Variants in PSTPIP1 observed in about 807,000 individuals in gnomAD.
PSTPIP1 encodes the protein proline-serine-threonine phosphatase-interacting protein 1.
Under a neutral mutation model 69.6 loss-of-function variants are expected in PSTPIP1, and 66 were observed. That is an observed-to-expected ratio of 0.95 (90% confidence interval 0.78 to 1.16). PSTPIP1 has a LOEUF of 1.16. PSTPIP1 is among the 50% of genes most tolerant of loss of function. The pLI, the probability that PSTPIP1 is intolerant of heterozygous loss-of-function variation, is 0.00. For synonymous variants in PSTPIP1, 266 were observed against 222.7 expected (o/e 1.19, Z -1.73); for missense variants, 603 against 557.4 (o/e 1.08, Z -0.82).
chr15:77,017,906 C>T lies in PSTPIP1; in HGVS notation c.37-242C>T, dbSNP rs1049251029. 1.1e-4 allele frequency among the ~76,000 whole-genome samples: 16 copies of T among 152,318 alleles called. No individual in the cohort carries two copies. The South Asian group carries it at 1.9e-3, about 18-fold the overall frequency. Reference sequence around the variant, plus strand: ...CTGTGAGCTCTCCAGATGCCAGGCCCGGCACCCCCGGCCCTGTCAGCTGGG... The same window carrying T: ...CTGTGAGCTCTCCAGATGCCAGGCCTGGCACCCCCGGCCCTGTCAGCTGGG... On this transcript the variant is annotated intron_variant, in intron 1 of 14. Coordinates refer to ENST00000558012, the MANE Select transcript of PSTPIP1 (RefSeq NM_003978.5).
chr15:77,026,506 C>T (rs759587916), intron 5 of PSTPIP1, among the ~76,000 whole-genome samples: 8 of 152,236 alleles, frequency 5.3e-5, no homozygotes, highest in Non-Finnish European at 1.2e-4. Context: ...CTGGCCATAC[C>T]ACTTCCCATC....
Position 77,002,821 on chromosome 15 carries a change from C to G in PSTPIP1, c.36+7212C>G, listed in dbSNP as rs143431766. ...ACTTTGTGCTCCAGTCCCCTGGAAC[C>G]CACATGCTTTTCCTGGCTGCTCCTG... On this transcript the variant is annotated intron_variant, in intron 1 of 14. Coordinates refer to ENST00000558012, the MANE Select transcript of PSTPIP1 (RefSeq NM_003978.5). Among the ~76,000 whole-genome samples, 891 of 152,088 alleles carry G rather than the reference C, an allele frequency of 5.9e-3. 10 individuals carry two copies. The highest frequency in any genetic ancestry group is 0.021 in the African/African-American group (857 of 41,464).
intron 3 of PSTPIP1, among the ~76,000 whole-genome samples, chr15:77,023,271 C>T (rs981128622): frequency 2.0e-5 from 3 of 152,220 alleles, no homozygotes; most frequent in African/African-American, 7.2e-5. Context: ...GCTGGGCCAG[C>T]CCAAAGTGAC....
At position 76,996,993 on chromosome 15, in the gene PSTPIP1, T is replaced by A. The variant is rs911644607; in HGVS notation, c.36+1384T>A. ...GGGCAGGCCAGGACCCCTTGACTAT[T>A]TTATCACTGAGACCTCTGTCCAGTC... On this transcript the variant is annotated intron_variant, in intron 1 of 14. Transcript: ENST00000558012. 4.6e-5 allele frequency among the ~76,000 whole-genome samples: 7 copies of A among 152,178 alleles called. No individual in the cohort carries two copies. The East Asian group carries it at 1.3e-3, about 29-fold the overall frequency.
rs190672871 is a variant in PSTPIP1, at chr15:77,000,987, C to G, written c.36+5378C>G. On this transcript the variant is annotated intron_variant, in intron 1 of 14. Coordinates refer to ENST00000558012, the MANE Select transcript of PSTPIP1 (RefSeq NM_003978.5). ...CTTTGCCACCCTCCCCTTTTTTTAG[C>G]GTAACTCACTCCATCGGGAACACCT... Among the ~76,000 whole-genome samples the G allele has an allele frequency of 4.1e-3, 631 of 152,190 alleles. 6 individuals are homozygous for G. The highest frequency in any genetic ancestry group is 0.015 in the African/African-American group (607 of 41,534).
chr15:77,012,152 TCCATCCACCCACCCAC>T (rs2075952167), intron 1 of PSTPIP1, among the ~76,000 whole-genome samples: 1 of 55,746 alleles, frequency 1.8e-5, no homozygotes, highest in African/African-American at 6.1e-5. Context: ...CATCCATCCA[TCCATCCACCCACCCAC>T]CCACCCACCC....
intron 3 of PSTPIP1, chr15:77,024,449 G>A (rs909834110): frequency 1.3e-5 from 2 of 152,238 alleles, no homozygotes; most frequent in East Asian, 1.9e-4. Context: ...TGGGCGTCAT[G>A]AGGCCATATG....
In PSTPIP1 at chr15:76,995,454, G is replaced by A. The variant is rs759583926; in HGVS notation, c.-120G>A. ...CCTTCTGAGTGTTGCAGACGGCGCC[G>A]GCCGGGAAGGGGGGCCTGGGCCAGC... On this transcript the variant is annotated 5_prime_UTR_variant, in exon 1 of 15. Coordinates refer to ENST00000558012, the MANE Select transcript of PSTPIP1 (RefSeq NM_003978.5). 53 of 1,566,156 alleles carry A rather than the reference G, an allele frequency of 3.4e-5. 1 individual carries two copies. The highest frequency in any genetic ancestry group is 2.2e-4 in the South Asian group (19 of 86,564).
intron 11 of PSTPIP1, 183 bp downstream of exon 11, chr15:77,032,577 C>CT (rs1165897445): frequency 7.5e-6 from 5 of 664,108 alleles, no homozygotes; most frequent in African/African-American, 7.2e-5. Context: ...TCAGGCAAAG[C>CT]TAAGGGCATG....
intron 12 of PSTPIP1, among the ~76,000 whole-genome samples, chr15:77,034,248 C>T (rs1276960826): frequency 6.6e-6 from 1 of 152,124 alleles, no homozygotes; most frequent in Non-Finnish European, 1.5e-5. Flanking sequence ...CCCCTTTCCC[C>T]CTGCCCTGGC....
At chr15:77,032,713 T>C in intron 11 of PSTPIP1, 149 bp from the exon 12 acceptor site, 1 of 672,842 alleles carries the variant, frequency 1.5e-6, no homozygotes, top group East Asian at 2.7e-5. Context: ...GTACCTACGG[T>C]GGGGTCTCTC....
At chr15:77,030,620 G>C in intron 9 of PSTPIP1, 39 bp downstream of exon 9, 1 of 1,558,424 alleles carries the variant, frequency 6.4e-7, no homozygotes. Context: ...CCCCAGCTGG[G>C]AAGTGTGAGA....
chr15:77,030,905 C>G (rs557231824), intron 9 of PSTPIP1, among the ~76,000 whole-genome samples: 34 of 152,364 alleles, frequency 2.2e-4, no homozygotes, highest in South Asian at 2.1e-3. Flanking sequence ...TCAGGACTCC[C>G]GTCCGAGGTC....
Position 77,025,502 on chromosome 15 carries a change from G to A in PSTPIP1, c.252G>A (p.Met84Ile), listed in dbSNP as rs1351292631. 2 of 1,559,964 alleles carry A rather than the reference G, an allele frequency of 1.3e-6. No individual in the cohort carries two copies. Among genetic ancestry groups the A allele is most frequent in the Non-Finnish European group, 1.7e-6 (2 of 1,152,052 alleles). Reference protein sequence around the residue: ...RASFDSLKQQMENVGSSHIQL... With the variant: ...RASFDSLKQQIENVGSSHIQL... The stretch of plus-strand genomic sequence containing the variant: ...GTATCCATGCTCTGCCCCCAGAAAT[G>A]GAGAATGTGGGCAGCTCACACATCC... The change falls in exon 5 of 15, where the codon ATG becomes ATA. Residue 84 changes from methionine (M) to isoleucine (I), a missense_variant. Transcript: ENST00000558012.
At chr15:77,002,484 G>T (rs924568882) in intron 1 of PSTPIP1, among the ~76,000 whole-genome samples, 1 of 152,200 alleles carries the variant, frequency 6.6e-6, no homozygotes, top group African/African-American at 2.4e-5. Context: ...CTGCTTTCAA[G>T]AATGAGTTGG....
chr15:77,018,269 T>C (rs1028097024), intron 2 of PSTPIP1, 21 bp downstream of exon 2: 3 of 1,559,610 alleles, frequency 1.9e-6, no homozygotes, highest in Non-Finnish European at 2.6e-6. Flanking sequence ...GGGCAGGCCA[T>C]GGGGAGCGCA....
intron 5 of PSTPIP1, 63 bp downstream of exon 5, chr15:77,025,667 G>A: frequency 7.0e-7 from 1 of 1,426,340 alleles, no homozygotes; most frequent in Non-Finnish European, 9.5e-7. Context: ...GTTGCTGTGG[G>A]GGTAGGGGGC....
intron 1 of PSTPIP1, among the ~76,000 whole-genome samples, chr15:77,017,199 C>T (rs190429308): frequency 1.4e-3 from 209 of 152,254 alleles, no homozygotes; most frequent in Non-Finnish European, 2.1e-3. Flanking sequence ...GACCCACTCC[C>T]CAAGCCTGGG....
intron 7 of PSTPIP1, 69 bp from the exon 8 acceptor site, chr15:77,029,460 C>G: frequency 6.5e-7 from 1 of 1,531,694 alleles, no homozygotes; most frequent in Non-Finnish European, 8.8e-7. Flanking sequence ...ACAGTCACTT[C>G]AGGTCTGCTG....
Sources: gnomAD v4.1 joint callset for allele counts (sites outside exome capture counted in the v4.1 genomes callset) on GRCh38, gnomAD v4.1.1 for gene constraint, MANE v1.5 for transcripts, NCBI Gene and HGNC (gene_info 2026-07-23, HGNC 2026-07-21) for gene names.